ADGRG6: variants seen among roughly 807,000 people sequenced by gnomAD.
ADGRG6 encodes G-protein coupled receptor 126.
Under a neutral mutation model 142.4 loss-of-function variants are expected in ADGRG6, and 84 were observed. The ratio of observed to expected loss-of-function variants is 0.59; its 90% CI spans 0.49 to 0.71. ADGRG6 has a LOEUF of 0.71. Ranked by LOEUF, ADGRG6 falls within the 30% of genes least tolerant of loss-of-function variation. The pLI is 0.00. For missense variants in ADGRG6, 1,367 were observed against 1,466.6 expected, an observed-to-expected ratio of 0.93 and a Z score of 1.11; for synonymous variants, 521 against 520.5, an observed-to-expected ratio of 1.00 and a Z score of -0.01.
intron 2 of ADGRG6, among the ~76,000 whole-genome samples, chr6:142,315,780 G>A (rs938761115): frequency 5.9e-5 from 9 of 151,784 alleles, no homozygotes; most frequent in East Asian, 1.9e-4. Context: ...GCAGTGAGCC[G>A]AGATCGTGCT....
chr6:142,353,172 T>TAGCTAAAGGCTCCCACCCA (rs1245315854), intron 2 of ADGRG6, among the ~76,000 whole-genome samples: 1 of 152,152 alleles, frequency 6.6e-6, no homozygotes, highest in East Asian at 1.9e-4. Context: ...AGGAAACAGA[T>TAGCTAAAGGCTCCCACCCA]AGCTAAAGGC....
chr6:142,339,439 C>G (rs1380684347), intron 2 of ADGRG6, among the ~76,000 whole-genome samples: 1 of 152,132 alleles, frequency 6.6e-6, no homozygotes, highest in Non-Finnish European at 1.5e-5. Context: ...TTCTGGAAAC[C>G]ACACTAAAAT....
intron 2 of ADGRG6, among the ~76,000 whole-genome samples, chr6:142,338,166 G>A (rs913488250): frequency 7.3e-5 from 11 of 151,186 alleles, no homozygotes; most frequent in East Asian, 5.8e-4. Flanking sequence ...GACTACAGGC[G>A]CCTGCCACTA....
intron 2 of ADGRG6, among the ~76,000 whole-genome samples, chr6:142,322,346 G>A (rs1778558726): frequency 6.6e-6 from 1 of 152,012 alleles, no homozygotes; most frequent in South Asian, 2.1e-4. Context: ...GCTGTGGTGA[G>A]CCATGATTGC....
intron 2 of ADGRG6, among the ~76,000 whole-genome samples, chr6:142,322,803 C>T (rs1314845509): frequency 6.6e-6 from 1 of 152,070 alleles, no homozygotes; most frequent in Non-Finnish European, 1.5e-5. Flanking sequence ...GGTTTATCAT[C>T]TATTTACTAT....
At chr6:142,435,488 C>T (rs1014577978) in intron 22 of ADGRG6, among the ~76,000 whole-genome samples, 4 of 151,426 alleles carry the variant, frequency 2.6e-5, no homozygotes, top group South Asian at 2.1e-4. Context: ...TTAATTTGAC[C>T]GCTCAGTCCT....
Position 142,313,266 on chromosome 6 carries a change from C to T in ADGRG6, c.103+3622C>T, listed in dbSNP as rs114408859. Among the ~76,000 whole-genome samples the T allele has an allele frequency of 3.9e-3, 587 of 152,130 alleles. 6 individuals carry two copies. Among genetic ancestry groups the T allele is most frequent in the African/African-American group, 0.012 (495 of 41,520 alleles). The stretch of plus-strand genomic sequence containing the variant: ...TAGTTACTTAACTGTTACTCTGGCT[C>T]TTTCTTCACTTAATAGGAATCTCTA... On this transcript the variant is annotated intron_variant, in intron 2 of 24. Coordinates refer to ENST00000367609, the MANE Select transcript of ADGRG6 (RefSeq NM_198569.3).
intron 2 of ADGRG6, among the ~76,000 whole-genome samples, chr6:142,342,199 C>T (rs1377552123): frequency 6.6e-6 from 1 of 151,534 alleles, no homozygotes; most frequent in East Asian, 1.9e-4. Context: ...GCAAGTGTAA[C>T]TGAATGGAAA....
chr6:142,405,657 C>A, intron 14 of ADGRG6, 31 bp from the exon 15 acceptor site: 1 of 1,563,512 alleles, frequency 6.4e-7, no homozygotes, highest in Non-Finnish European at 8.8e-7. Context: ...ATTATGATTA[C>A]TTGACCAATA....
chr6:142,438,392 G>A, intron 24 of ADGRG6, 28 bp downstream of exon 24: 2 of 1,502,554 alleles, frequency 1.3e-6, no homozygotes, highest in Non-Finnish European at 1.8e-6. Flanking sequence ...CTCAAGTTTA[G>A]TTCTCATCAC....
intron 2 of ADGRG6, among the ~76,000 whole-genome samples, chr6:142,327,168 A>G (rs1778817543): frequency 6.6e-6 from 1 of 152,112 alleles, no homozygotes. Context: ...GACTTTTCTA[A>G]AAATGTTTTA....
intron 2 of ADGRG6, among the ~76,000 whole-genome samples, chr6:142,344,226 A>C (rs566457561): frequency 4.1e-4 from 62 of 152,108 alleles, no homozygotes; most frequent in African/African-American, 1.4e-3. Context: ...ATATTATGTG[A>C]GCTCAAAATT....
At chr6:142,340,904 C>G (rs2114717910) in intron 2 of ADGRG6, among the ~76,000 whole-genome samples, 1 of 152,120 alleles carries the variant, frequency 6.6e-6, no homozygotes, top group Non-Finnish European at 1.5e-5. Context: ...CTGTGGTTGT[C>G]TTGGACTTCA....
At chr6:142,306,331 A>G (rs1777494264) in intron 1 of ADGRG6, among the ~76,000 whole-genome samples, 1 of 152,212 alleles carries the variant, frequency 6.6e-6, no homozygotes, top group Non-Finnish European at 1.5e-5. Context: ...TAGAAGGGTT[A>G]CATTCTAAAG....
intron 10 of ADGRG6, 83 bp downstream of exon 10, chr6:142,397,838 T>G: frequency 1.2e-6 from 1 of 859,388 alleles, no homozygotes; most frequent in Non-Finnish European, 1.7e-6. Context: ...AAATTTTCTT[T>G]ATGCGCTATT....
At position 142,375,700 on chromosome 6, in the gene ADGRG6, A is replaced by G. The variant is rs1342364201; in HGVS notation, c.1069+4907A>G. Among the ~76,000 whole-genome samples, 5 of 152,316 alleles carry G rather than the reference A, an allele frequency of 3.3e-5. No individual in the cohort carries two copies. The East Asian group carries it at 9.6e-4, about 29-fold the overall frequency. ...GAAATTTATTTCTAGCATTCCACTG[A>G]ATGGACAATGTCTGCTAAATATGAG... On this transcript the variant is annotated intron_variant, in intron 4 of 24. Transcript: ENST00000367609.
chr6:142,400,853 A>G (rs1775483215), intron 11 of ADGRG6: 1 of 345,288 alleles, frequency 2.9e-6, no homozygotes, highest in African/African-American at 2.1e-5. Context: ...GCCAGTGGGT[A>G]GCACCAGAGC....
intron 1 of ADGRG6, among the ~76,000 whole-genome samples, chr6:142,305,521 G>A (rs1326567547): frequency 2.7e-5 from 4 of 150,766 alleles, no homozygotes; most frequent in East Asian, 1.9e-4. Flanking sequence ...GGGCTTAAGA[G>A]TTTAATTTTT....
intron 4 of ADGRG6, 22 bp downstream of exon 4, chr6:142,370,815 T>C (rs766996155): frequency 7.4e-6 from 6 of 810,312 alleles, no homozygotes; most frequent in South Asian, 4.5e-5. Flanking sequence ...GCGTATTCCT[T>C]TTTTTTTTTT....
Sources: gnomAD v4.1 joint callset for allele counts (sites outside exome capture counted in the v4.1 genomes callset) on GRCh38, gnomAD v4.1.1 for gene constraint, MANE v1.5 for transcripts, NCBI Gene and HGNC (gene_info 2026-07-23, HGNC 2026-07-21) for gene names.